Variants in ZDHHC13 observed in about 807,000 individuals in gnomAD.
ZDHHC13 encodes the protein palmitoyltransferase ZDHHC13.
In ZDHHC13, 85 loss-of-function variants were observed where a neutral mutation model predicts 86.0. The observed-to-expected ratio is 0.99, with a 90% confidence interval of 0.83 to 1.18. ZDHHC13 has a LOEUF of 1.18. Among genes scored for constraint, ZDHHC13 ranks in the 50% most tolerant of loss-of-function variants. The pLI is 0.00. For synonymous variants in ZDHHC13, 263 were observed against 246.4 expected (o/e 1.07, Z -0.63); for missense variants, 711 against 730.2 (o/e 0.97, Z 0.30).
chr11:19,164,963 C>T, intron 12 of ZDHHC13, 89 bp from the exon 13 acceptor site: 1 of 1,086,320 alleles, frequency 9.2e-7, no homozygotes, highest in Non-Finnish European at 1.4e-6. Context: ...GCCAATGCCT[C>T]TGTGACCTAA....
chr11:19,153,426 T>C (rs1849665938), intron 8 of ZDHHC13, among the ~76,000 whole-genome samples: 1 of 152,212 alleles, frequency 6.6e-6, no homozygotes, highest in South Asian at 2.1e-4. Flanking sequence ...TTAATAATAA[T>C]TAGTAATTGT....
chr11:19,136,642 G>C (rs879758306), intron 1 of ZDHHC13, among the ~76,000 whole-genome samples: 45 of 152,030 alleles, frequency 3.0e-4, no homozygotes, highest in African/African-American at 7.0e-4. Context: ...TTGAAATGAA[G>C]GAAAAAATGT....
Position 19,133,862 on chromosome 11 carries a change from G to A in ZDHHC13, c.28-9116G>A, listed in dbSNP as rs988420695. 4.2e-5 allele frequency among the ~76,000 whole-genome samples: 6 copies of A among 143,810 alleles called. No homozygotes were observed. The Admixed American group carries it at 4.4e-4, about 11-fold the overall frequency. 94.3% of individuals were successfully genotyped at this position (143,810 alleles called of 152,430 possible). A position where few individuals can be genotyped will look rare whatever the true frequency, so the allele number is the denominator to read the frequency against. On this transcript the variant is annotated intron_variant, in intron 1 of 16. Transcript: ENST00000446113. ...GGCTCAGTTCTATATCTTGACTTAG[G>A]TAGTGGTTTCATGGAGGTTCATTTT...
chr11:19,173,611 G>GT (rs1409117789), intron 16 of ZDHHC13, among the ~76,000 whole-genome samples: 1 of 152,164 alleles, frequency 6.6e-6, no homozygotes, highest in Non-Finnish European at 1.5e-5. Flanking sequence ...ACTACAATGT[G>GT]TATTTAGGAG....
intron 12 of ZDHHC13, 190 bp from the exon 13 acceptor site, chr11:19,164,862 T>A: frequency 1.7e-6 from 1 of 578,514 alleles, no homozygotes; most frequent in Non-Finnish European, 3.1e-6. Flanking sequence ...TCCCACTTAG[T>A]GATGTCCTAA....
At chr11:19,125,903 A>G (rs937138839) in intron 1 of ZDHHC13, among the ~76,000 whole-genome samples, 2 of 152,196 alleles carry the variant, frequency 1.3e-5, no homozygotes, top group Non-Finnish European at 1.5e-5. Context: ...ACAACAGATC[A>G]GTGGTTGCCA....
chr11:19,143,421 C>G (rs559527655), intron 2 of ZDHHC13, among the ~76,000 whole-genome samples: 1 of 152,260 alleles, frequency 6.6e-6, no homozygotes, highest in Admixed American at 6.5e-5. Flanking sequence ...AATAAATGTT[C>G]CTTGAATGAA....
At chr11:19,173,610 T>C (rs2133489277) in intron 16 of ZDHHC13, among the ~76,000 whole-genome samples, 1 of 152,256 alleles carries the variant, frequency 6.6e-6, no homozygotes, top group East Asian at 1.9e-4. Flanking sequence ...AACTACAATG[T>C]GTATTTAGGA....
intron 1 of ZDHHC13, among the ~76,000 whole-genome samples, chr11:19,137,783 A>C (rs1849186554): frequency 1.3e-5 from 2 of 152,280 alleles, no homozygotes; most frequent in African/African-American, 4.8e-5. Context: ...AACTACATGG[A>C]AACTGAACAA....
chr11:19,121,539 C>G (rs879416965), intron 1 of ZDHHC13, among the ~76,000 whole-genome samples: 2 of 152,160 alleles, frequency 1.3e-5, no homozygotes, highest in Non-Finnish European at 2.9e-5. Flanking sequence ...CCCTGATTAC[C>G]TACTTCTGTG....
At chr11:19,167,434 A>T (rs1458275428) in intron 14 of ZDHHC13, 1 of 152,146 alleles carries the variant, frequency 6.6e-6, no homozygotes, top group African/African-American at 2.4e-5. Context: ...TTCGAAAGGC[A>T]ATTCTTTGTA....
At chr11:19,153,267 T>A (rs2133432235) in intron 8 of ZDHHC13, among the ~76,000 whole-genome samples, 1 of 152,292 alleles carries the variant, frequency 6.6e-6, no homozygotes, top group South Asian at 2.1e-4. Flanking sequence ...ATGAACTGAA[T>A]AATGGAAAAC....
intron 6 of ZDHHC13, among the ~76,000 whole-genome samples, chr11:19,151,103 G>C (rs1849596660): frequency 6.6e-6 from 1 of 151,734 alleles, no homozygotes; most frequent in African/African-American, 2.4e-5. Flanking sequence ...TCTTCCTTTG[G>C]CTTTAAAAAA....
rs112517422 is a variant in ZDHHC13, at chr11:19,169,868, G to A, written c.1475-543G>A. ...TCTGTCTTGTGAGTCCCTTCATCTG[G>A]CCTTTCTTCCTCTGCAGATTTAGTT... is the stretch of plus-strand genomic sequence containing the variant. On this transcript the variant is annotated intron_variant, in intron 14 of 16. Coordinates refer to ENST00000446113, the MANE Select transcript of ZDHHC13 (RefSeq NM_019028.3). 15 of 985,622 alleles carry A rather than the reference G, an allele frequency of 1.5e-5. No individual in the cohort carries two copies. In the African/African-American group the frequency reaches 1.7e-4, roughly 11 times the overall value. The allele number at this position is 985,622 out of a possible 1,614,324, so 61.1% of individuals were successfully genotyped here. A position where few individuals can be genotyped will look rare whatever the true frequency, so the allele number is the denominator to read the frequency against.
intron 7 of ZDHHC13, 38 bp downstream of exon 7, chr11:19,152,358 C>G (rs1849634995): frequency 6.3e-6 from 10 of 1,595,408 alleles, no homozygotes; most frequent in Non-Finnish European, 8.5e-6. Context: ...TTTATTATAT[C>G]TTGAGTTAGA....
intron 1 of ZDHHC13, among the ~76,000 whole-genome samples, chr11:19,138,663 A>C (rs1290218915): frequency 2.0e-5 from 3 of 149,884 alleles, no homozygotes; most frequent in African/African-American, 7.3e-5. Flanking sequence ...AAAAATCCTC[A>C]ATAAAATACT....
intron 1 of ZDHHC13, among the ~76,000 whole-genome samples, chr11:19,139,008 C>T (rs1174991593): frequency 6.6e-6 from 1 of 152,032 alleles, no homozygotes; most frequent in East Asian, 1.9e-4. Context: ...TGGCACAAGA[C>T]ATGGATGCCC....
chr11:19,171,506 G>A (rs1850219971), intron 15 of ZDHHC13, among the ~76,000 whole-genome samples: 1 of 152,114 alleles, frequency 6.6e-6, no homozygotes, highest in Non-Finnish European at 1.5e-5. Context: ...AAATGTTTAG[G>A]GATGAAACTG....
intron 4 of ZDHHC13, 74 bp downstream of exon 4, chr11:19,147,747 G>T: frequency 2.0e-6 from 2 of 975,974 alleles, no homozygotes; most frequent in Non-Finnish European, 3.0e-6. Context: ...ATCAGTTATA[G>T]ACGATTTGAA....
Sources: allele counts gnomAD v4.1 joint callset (sites outside exome capture counted in the v4.1 genomes callset), GRCh38; gene constraint gnomAD v4.1.1; transcripts MANE v1.5; gene names NCBI Gene and HGNC (gene_info 2026-07-23, HGNC 2026-07-21).